NTM: variants seen among roughly 807,000 people sequenced by gnomAD.
NTM encodes the protein IgLON family member 2.
NTM carries 13 observed loss-of-function variants against 42.1 expected under a neutral mutation model. The observed-to-expected ratio is 0.31, with a 90% CI of 0.20 to 0.49. The LOEUF (loss-of-function observed/expected upper bound fraction) is 0.49, where lower values mean the gene tolerates loss of function less well. Ranked by LOEUF, NTM falls within the 20% of genes least tolerant of loss-of-function variation. NTM has a pLI of 0.99. For missense variants in NTM, 373 were observed against 452.8 expected (o/e 0.82, Z 1.60); for synonymous variants, 187 against 179.2 (o/e 1.04, Z -0.35).
chr11:132,086,872 T>G (rs1594524834), intron 2 of NTM, among the ~76,000 whole-genome samples: 1 of 152,172 alleles, frequency 6.6e-6, no homozygotes, highest in South Asian at 2.1e-4. Context: ...TTAACTTTTC[T>G]CAGTCTGGAG....
At position 131,834,625 on chromosome 11, in the gene NTM, CATATAT is replaced by C. The variant is rs10604283; in HGVS notation, c.83-76924_83-76919del. ...TAGTGTGTGTATATATATACATATA[CATATAT>C]ATATATATATATATGTATAATCTTC... is the stretch of plus-strand genomic sequence containing the variant. On this transcript the variant is annotated intron_variant, in intron 1 of 8. Transcript: ENST00000683400. 4.3e-3 allele frequency among the ~76,000 whole-genome samples: 577 copies of C among 133,976 alleles called. 31 individuals are homozygous for C. The East Asian group carries it at 0.078, about 18-fold the overall frequency. 87.9% of individuals were successfully genotyped at this position (133,976 alleles called of 152,430 possible).
At chr11:132,333,210 G>C (rs756296724) in intron 8 of NTM, among the ~76,000 whole-genome samples, 10 of 152,002 alleles carry the variant, frequency 6.6e-5, no homozygotes, top group East Asian at 1.9e-4. Context: ...TTCCATAAAG[G>C]CCTGCTGGGC....
intron 2 of NTM, among the ~76,000 whole-genome samples, chr11:132,145,911 C>T (rs10791213): frequency 0.097 from 14,836 of 152,188 alleles, 788 homozygotes; most frequent in East Asian, 0.13. Context: ...TGACTTAGTG[C>T]ACCCTAAACA....
intron 1 of NTM, among the ~76,000 whole-genome samples, chr11:131,886,129 A>C (rs1220401669): frequency 1.3e-5 from 2 of 152,196 alleles, no homozygotes; most frequent in Admixed American, 1.3e-4. Flanking sequence ...AGGCACAAGC[A>C]AGGCTCAGTG....
intron 1 of NTM, among the ~76,000 whole-genome samples, chr11:131,789,791 C>T (rs912420239): frequency 3.2e-5 from 3 of 95,150 alleles, no homozygotes; most frequent in Admixed American, 9.0e-5. Flanking sequence ...CCCGTCTCTA[C>T]TAAAAATACA....
chr11:131,586,454 C>CTGCCATGTTG (rs1182549832), intron 1 of NTM, among the ~76,000 whole-genome samples: 3 of 152,184 alleles, frequency 2.0e-5, no homozygotes, highest in Non-Finnish European at 2.9e-5. Context: ...AGGGAGCCAG[C>CTGCCATGTTG]TGCCATGTTG....
chr11:131,404,279 G>C (rs1384639523), intron 1 of NTM, among the ~76,000 whole-genome samples: 4 of 152,184 alleles, frequency 2.6e-5, no homozygotes, highest in Non-Finnish European at 5.9e-5. Flanking sequence ...GCCAAGTGCA[G>C]TGCTCAATTT....
intron 2 of NTM, among the ~76,000 whole-genome samples, chr11:131,952,066 G>A (rs1176122086): frequency 1.3e-5 from 2 of 151,524 alleles, no homozygotes; most frequent in East Asian, 3.9e-4. Context: ...TTTCCTCTGT[G>A]TCCTTGCTTA....
intron 1 of NTM, among the ~76,000 whole-genome samples, chr11:131,459,994 G>A (rs781146797): frequency 1.3e-5 from 2 of 152,146 alleles, no homozygotes; most frequent in African/African-American, 4.8e-5. Context: ...AGGCTCCGTG[G>A]CAGAACTTAA....
chr11:131,853,862 G>T (rs2045839973), intron 1 of NTM, among the ~76,000 whole-genome samples: 1 of 152,204 alleles, frequency 6.6e-6, no homozygotes, highest in African/African-American at 2.4e-5. Flanking sequence ...CCCACCAACA[G>T]TGTCAAAGCA....
intron 2 of NTM, among the ~76,000 whole-genome samples, chr11:131,939,661 T>G (rs532762025): frequency 1.3e-5 from 2 of 152,164 alleles, no homozygotes; most frequent in Non-Finnish European, 2.9e-5. Context: ...TTGTAAATCT[T>G]TCTTCTCTTA....
chr11:132,143,036 G>A (rs967158802), intron 2 of NTM, among the ~76,000 whole-genome samples: 3 of 152,160 alleles, frequency 2.0e-5, no homozygotes, highest in African/African-American at 7.2e-5. Context: ...CACTCACCTG[G>A]TACTTGTCAG....
chr11:131,981,758 C>G (rs2065269480), intron 2 of NTM, among the ~76,000 whole-genome samples: 1 of 152,110 alleles, frequency 6.6e-6, no homozygotes, highest in African/African-American at 2.4e-5. Flanking sequence ...TGCCTGTAAT[C>G]CCAGCACATT....
chr11:132,135,435 T>A (rs994462665), intron 2 of NTM, among the ~76,000 whole-genome samples: 1 of 152,234 alleles, frequency 6.6e-6, no homozygotes, highest in Non-Finnish European at 1.5e-5. Flanking sequence ...AGAGGCAGAT[T>A]CTGGGATACG....
rs757212958 is a variant in NTM at position 132,314,617 on chromosome 11, T to C, written c.848T>C (p.Phe283Ser). The change falls in exon 7 of 9, where the codon TTC becomes TCC. Residue 283 changes from phenylalanine to serine, a missense_variant. Phe to Ser is a radical substitution (Grantham distance 155, BLOSUM62 -2). Transcript: ENST00000683400. ...NRPFLSKLIF[F>S]NVSEHDYGNY... ...CCTTTCCTCTCAAAACTCATCTTCTTCAATGTCTCTGAACATGACTATGGG... is the reference window on the plus strand; with the variant it reads ...CCTTTCCTCTCAAAACTCATCTTCTCCAATGTCTCTGAACATGACTATGGG... 1 of 1,614,018 alleles carries C rather than the reference T, an allele frequency of 6.2e-7. No homozygotes were observed. The highest frequency in any genetic ancestry group is 8.5e-7 in the Non-Finnish European group (1 of 1,179,946).
chr11:131,710,031 G>A (rs1592654812), intron 1 of NTM, among the ~76,000 whole-genome samples: 1 of 152,308 alleles, frequency 6.6e-6, no homozygotes, highest in Non-Finnish European at 1.5e-5. Context: ...AACACACACT[G>A]GATTAGCAAT....
At chr11:132,115,950 C>T (rs2063829493) in intron 2 of NTM, among the ~76,000 whole-genome samples, 1 of 152,202 alleles carries the variant, frequency 6.6e-6, no homozygotes, top group South Asian at 2.1e-4. Context: ...CATCCTCCTC[C>T]TTGTAATGCT....
chr11:131,668,787 T>C (rs2069571526), intron 1 of NTM, among the ~76,000 whole-genome samples: 1 of 152,194 alleles, frequency 6.6e-6, no homozygotes, highest in Non-Finnish European at 1.5e-5. Context: ...CAGAATAATC[T>C]TTCCACGAAA....
At chr11:131,632,533 T>C (rs1216822337) in intron 1 of NTM, among the ~76,000 whole-genome samples, 7 of 152,208 alleles carry the variant, frequency 4.6e-5, no homozygotes, top group African/African-American at 7.2e-5. Context: ...CCTTAGCTTT[T>C]CTTCCAGATA....
Sources: gnomAD v4.1 joint callset for allele counts (sites outside exome capture counted in the v4.1 genomes callset) on GRCh38, gnomAD v4.1.1 for gene constraint, MANE v1.5 for transcripts, NCBI Gene and HGNC (gene_info 2026-07-23, HGNC 2026-07-21) for gene names.